PRKN: variants seen among roughly 807,000 people sequenced by gnomAD.
The protein encoded by PRKN is parkin RBR E3 ubiquitin protein ligase.
A neutral mutation model predicts 59.5 loss-of-function variants in PRKN; 56 were observed. The observed-to-expected ratio is 0.94, with a 90% CI of 0.76 to 1.18. PRKN has a LOEUF of 1.18. Among genes scored for constraint, PRKN ranks in the 50% most tolerant of loss-of-function variants. The probability of loss-of-function intolerance (pLI) is 0.00; values close to 1 mark genes in which losing one functional copy is unlikely to be tolerated. For synonymous variants in PRKN, 250 were observed against 222.1 expected, an observed-to-expected ratio of 1.13 and a Z score of -1.12; for missense variants, 657 against 596.4, an observed-to-expected ratio of 1.10 and a Z score of -1.06.
chr6:161,434,621 G>A (rs981130981), intron 9 of PRKN, among the ~76,000 whole-genome samples: 5 of 152,054 alleles, frequency 3.3e-5, no homozygotes, highest in African/African-American at 7.2e-5. Flanking sequence ...TTGTGTAATC[G>A]CTGAGCAAGT....
intron 7 of PRKN, among the ~76,000 whole-genome samples, chr6:161,679,013 T>A (rs1306038924): frequency 1.3e-5 from 2 of 152,178 alleles, no homozygotes; most frequent in Non-Finnish European, 2.9e-5. Context: ...CACACGCACA[T>A]GCATGTGTGT....
At chr6:162,128,428 G>T (rs1781206291) in intron 4 of PRKN, among the ~76,000 whole-genome samples, 1 of 152,040 alleles carries the variant, frequency 6.6e-6, no homozygotes, top group South Asian at 2.1e-4. Context: ...TATGGTAGAA[G>T]AACAACATCT....
intron 2 of PRKN, among the ~76,000 whole-genome samples, chr6:162,363,702 C>A (rs1206419765): frequency 6.6e-6 from 1 of 152,116 alleles, no homozygotes; most frequent in Non-Finnish European, 1.5e-5. Flanking sequence ...ACTACGTTAA[C>A]AGGATTATAT....
At chr6:162,608,745 G>A (rs1267488039) in intron 1 of PRKN, among the ~76,000 whole-genome samples, 2 of 152,190 alleles carry the variant, frequency 1.3e-5, no homozygotes, top group African/African-American at 4.8e-5. Flanking sequence ...CTAAGAATAA[G>A]AGAGGAAGTT....
intron 6 of PRKN, among the ~76,000 whole-genome samples, chr6:161,891,220 C>G (rs551533369): frequency 6.6e-6 from 1 of 152,166 alleles, no homozygotes; most frequent in Non-Finnish European, 1.5e-5. Context: ...AGCGCCTCCC[C>G]TTCCCCTGGG....
At chr6:162,329,081 C>A (rs531904349) in intron 2 of PRKN, among the ~76,000 whole-genome samples, 1 of 152,252 alleles carries the variant, frequency 6.6e-6, no homozygotes, top group South Asian at 2.1e-4. Flanking sequence ...ATAAAATCTG[C>A]CAGTTTTTAA....
intron 9 of PRKN, among the ~76,000 whole-genome samples, chr6:161,474,921 T>A (rs572120909): frequency 4.0e-5 from 6 of 150,568 alleles, no homozygotes; most frequent in Non-Finnish European, 8.9e-5. Flanking sequence ...TTATTTTTAT[T>A]TTTTGAGATG....
chr6:162,643,395 C>G (rs1474833305), intron 1 of PRKN, among the ~76,000 whole-genome samples: 1 of 2,952 alleles, frequency 3.4e-4, no homozygotes, highest in Non-Finnish European at 7.0e-4. Context: ...AAGACTCTGC[C>G]TCAAAAAAAA....
intron 4 of PRKN, among the ~76,000 whole-genome samples, chr6:162,162,962 C>A (rs1179799467): frequency 6.7e-6 from 1 of 148,744 alleles, no homozygotes; most frequent in Non-Finnish European, 1.5e-5. Flanking sequence ...GAGCCGAGAT[C>A]GTGCCACTGT....
At chr6:162,575,418 A>G (rs1188400935) in intron 1 of PRKN, among the ~76,000 whole-genome samples, 4 of 152,174 alleles carry the variant, frequency 2.6e-5, no homozygotes, top group Non-Finnish European at 5.9e-5. Context: ...TCCTGAAGAC[A>G]TCCTGGCTGT....
At chr6:161,756,441 CGA>C (rs1491239573) in intron 7 of PRKN, among the ~76,000 whole-genome samples, 2 of 16,064 alleles carry the variant, frequency 1.2e-4, no homozygotes, top group Non-Finnish European at 2.8e-4. Flanking sequence ...AACCTTGTCT[CGA>C]AAAAAAAAAA....
At chr6:161,985,172 T>C (rs887110577) in intron 5 of PRKN, among the ~76,000 whole-genome samples, 5 of 152,194 alleles carry the variant, frequency 3.3e-5, no homozygotes, top group Non-Finnish European at 7.3e-5. Flanking sequence ...TCTCTTCCCT[T>C]TCAATTTTGT....
In PRKN at chr6:161,544,086, T is replaced by C. The variant is rs1353702134; in HGVS notation, c.1083+4768A>G. Reference sequence around the variant, plus strand: ...GTATTTGGTACCAAAATACATTCTCTGCTGCGTTCTATCTATGTAAAAATA... The same window carrying C: ...GTATTTGGTACCAAAATACATTCTCCGCTGCGTTCTATCTATGTAAAAATA... On this transcript the variant is annotated intron_variant, in intron 9 of 11. Coordinates refer to ENST00000366898, the MANE Select transcript of PRKN (RefSeq NM_004562.3). The surrounding 1 kb of genome is among the most constrained non-coding windows in gnomAD (Gnocchi z 5.5). Among the ~76,000 whole-genome samples the C allele has an allele frequency of 6.6e-6, 1 of 152,238 alleles. No individual in the cohort carries two copies. The highest frequency in any genetic ancestry group is 2.4e-5 in the African/African-American group (1 of 41,472).
intron 5 of PRKN, among the ~76,000 whole-genome samples, chr6:162,049,933 T>C (rs1374499386): frequency 6.6e-6 from 1 of 152,124 alleles, no homozygotes. Context: ...TGTGTTACTC[T>C]CTCTCCCACC....
chr6:161,364,612 C>CT (rs1446608672), intron 10 of PRKN, among the ~76,000 whole-genome samples: 1 of 150,956 alleles, frequency 6.6e-6, no homozygotes, highest in Non-Finnish European at 1.5e-5. Flanking sequence ...TACTGATTGT[C>CT]TAAAACTGTA....
At chr6:162,163,787 TG>T in intron 4 of PRKN, among the ~76,000 whole-genome samples, 1 of 141,676 alleles carries the variant, frequency 7.1e-6, no homozygotes. Context: ...TTTATATCCA[TG>T]CTGCAATGAT....
At chr6:162,367,357 G>GT (rs1407417492) in intron 2 of PRKN, among the ~76,000 whole-genome samples, 3 of 152,056 alleles carry the variant, frequency 2.0e-5, no homozygotes, top group Admixed American at 6.6e-5. Context: ...CTAATACACT[G>GT]TTTTTTCGCT....
chr6:161,438,374 C>T (rs375150212), intron 9 of PRKN, among the ~76,000 whole-genome samples: 6 of 151,910 alleles, frequency 3.9e-5, no homozygotes, highest in African/African-American at 7.3e-5. Flanking sequence ...CACACCACCA[C>T]GCCCAGCTAT....
chr6:161,799,691 CA>C (rs1478301230), intron 6 of PRKN, among the ~76,000 whole-genome samples: 1 of 152,182 alleles, frequency 6.6e-6, no homozygotes, highest in Non-Finnish European at 1.5e-5. Flanking sequence ...AGGTATTAAG[CA>C]AACAAGTAAA....
Sources: gnomAD v4.1 joint callset for allele counts (sites outside exome capture counted in the v4.1 genomes callset) on GRCh38, gnomAD v4.1.1 for gene constraint, Gnocchi (gnomAD v3.1) non-coding constraint, MANE v1.5 for transcripts, NCBI Gene and HGNC (gene_info 2026-07-23, HGNC 2026-07-21) for gene names.